TWF1: variants seen among roughly 807,000 people sequenced by gnomAD.
The protein encoded by TWF1 is twinfilin actin binding protein 1.
In TWF1, 14 loss-of-function variants were observed where a neutral mutation model predicts 47.9. The observed-to-expected ratio is 0.29, with a 90% CI of 0.19 to 0.46. The LOEUF (loss-of-function observed/expected upper bound fraction) is 0.46, where lower values mean the gene tolerates loss of function less well. TWF1 is among the 20% of genes least tolerant of loss of function. The pLI is 1.00. For synonymous variants in TWF1, 96 were observed against 139.2 expected (o/e 0.69, Z 2.18); for missense variants, 281 against 409.3 (o/e 0.69, Z 2.70).
At position 43,797,691 on chromosome 12, in the gene TWF1, C is replaced by T; in HGVS notation, c.609+17G>A. ...CCAAAAAGAGCAGCCACTTAATAATCATTATACATCTCTTACCAACTGCAC... is the reference window on the plus strand; with the variant it reads ...CCAAAAAGAGCAGCCACTTAATAATTATTATACATCTCTTACCAACTGCAC... On this transcript the variant is annotated intron_variant, in intron 6 of 8. Transcript: ENST00000395510. 6.2e-7 allele frequency: 1 copy of T among 1,608,724 alleles called. No homozygotes were observed. Among genetic ancestry groups the T allele is most frequent in the Non-Finnish European group, 8.5e-7 (1 of 1,178,408 alleles).
chr12:43,801,767 T>G (rs1426875926), intron 3 of TWF1, among the ~76,000 whole-genome samples: 1 of 152,194 alleles, frequency 6.6e-6, no homozygotes, highest in Non-Finnish European at 1.5e-5. Context: ...CAGTGGCTCA[T>G]ACCTGTAATC....
intron 5 of TWF1, 50 bp from the exon 6 acceptor site, chr12:43,797,883 T>C (rs1369516666): frequency 4.5e-6 from 7 of 1,571,384 alleles, no homozygotes; most frequent in Admixed American, 1.9e-5. Flanking sequence ...CAGTATCCTA[T>C]GGCAAACATA....
chr12:43,797,137 A>G (rs1358648576), intron 7 of TWF1, 40 bp from the exon 8 acceptor site: 6 of 1,538,714 alleles, frequency 3.9e-6, no homozygotes, highest in Non-Finnish European at 5.3e-6. Flanking sequence ...TAGCATATCA[A>G]TACATAAACT....
In TWF1 at chr12:43,806,296, C is replaced by T; in HGVS notation, c.-51G>A. 4 of 1,437,342 alleles carry T rather than the reference C, an allele frequency of 2.8e-6. No homozygotes were observed. Among genetic ancestry groups the T allele is most frequent in the Non-Finnish European group, 3.7e-6 (4 of 1,089,278 alleles). 89.0% of individuals were successfully genotyped at this position (1,437,342 alleles called of 1,614,324 possible). On this transcript the variant is annotated 5_prime_UTR_variant, in exon 1 of 9. Coordinates refer to ENST00000395510, the MANE Select transcript of TWF1 (RefSeq NM_002822.5). Reference sequence around the variant, plus strand: ...CGGCGCTGAGTGCAGCCAGCGGCCCCGGCCGGCGGCCCCAGGAAGTGGCTG... The same window carrying T: ...CGGCGCTGAGTGCAGCCAGCGGCCCTGGCCGGCGGCCCCAGGAAGTGGCTG...
chr12:43,800,377 G>A (rs765855313), intron 4 of TWF1, 58 bp downstream of exon 4: 2 of 1,265,112 alleles, frequency 1.6e-6, no homozygotes, highest in Non-Finnish European at 2.3e-6. Context: ...CATTACCTAG[G>A]AGTTCCTCTT....
intron 3 of TWF1, among the ~76,000 whole-genome samples, chr12:43,801,509 A>T (rs370432505): frequency 6.6e-6 from 1 of 152,178 alleles, no homozygotes; most frequent in East Asian, 1.9e-4. Flanking sequence ...CCATATTCAT[A>T]TATTAATTCT....
rs139392976 is a variant in TWF1 at position 43,799,296 on chromosome 12, C to T, written c.483+102G>A. The stretch of plus-strand genomic sequence containing the variant: ...ACTAAACGGAATAAACCTAAGCTAC[C>T]TAACTTCTTTAATCTCTAGTTATCC... On this transcript the variant is annotated intron_variant, in intron 5 of 8. Coordinates refer to ENST00000395510, the MANE Select transcript of TWF1 (RefSeq NM_002822.5). The T allele has an allele frequency of 3.1e-5, 22 of 717,700 alleles. No homozygotes were observed. The African/African-American group carries it at 3.3e-4, about 11-fold the overall frequency. 44.5% of individuals were successfully genotyped at this position (717,700 alleles called of 1,614,324 possible).
At position 43,797,051 on chromosome 12, in the gene TWF1, C is replaced by T. The variant is rs147143603; in HGVS notation, c.807G>A (p.Arg269=). ...MPGYTCSIRE[R]MLYSSCKSRL... ...GGCTCTTGCAGCTAGAATACAGCAT[C>T]CGCTCTCTTATACTGCATGTGTATC... Residue 269 remains arginine, a synonymous_variant, in exon 8 of 9, where the codon CGG becomes CGA. Coordinates refer to ENST00000395510, the MANE Select transcript of TWF1 (RefSeq NM_002822.5). 24 of 1,611,166 alleles carry T rather than the reference C, an allele frequency of 1.5e-5. No homozygotes were observed. In the African/African-American group the frequency reaches 2.4e-4, roughly 16 times the overall value.
At chr12:43,805,193 G>A (rs1002044064) in intron 1 of TWF1, among the ~76,000 whole-genome samples, 3 of 152,150 alleles carry the variant, frequency 2.0e-5, no homozygotes, top group African/African-American at 7.2e-5. Flanking sequence ...TCGTTCCTGT[G>A]TTGTCTATTA....
intron 4 of TWF1, 145 bp from the exon 5 acceptor site, chr12:43,799,647 C>G (rs1942622825): frequency 2.0e-6 from 1 of 511,926 alleles, no homozygotes; most frequent in South Asian, 3.8e-5. Context: ...TTTTACTTTT[C>G]TTTAATCCTC....
rs1942504557 is a variant in TWF1 at position 43,793,750 on chromosome 12, A to G, written c.*1835T>C. 6.5e-6 allele frequency: 1 copy of G among 152,674 alleles called. No homozygotes were observed. The highest frequency in any genetic ancestry group is 2.1e-4 in the South Asian group (1 of 4,834). 9.5% of individuals were successfully genotyped at this position (152,674 alleles called of 1,614,324 possible). A position where few individuals can be genotyped will look rare whatever the true frequency, so the allele number is the denominator to read the frequency against. On this transcript the variant is annotated 3_prime_UTR_variant, in exon 9 of 9. Coordinates refer to ENST00000395510, the MANE Select transcript of TWF1 (RefSeq NM_002822.5). ...AAAGAGAAAAAATTTTTATTGTGAT[A>G]TAAAATGCACTTATAAAATGTCCAC...
At chr12:43,806,051 G>A in intron 1 of TWF1, 170 bp downstream of exon 1, 3 of 1,518,542 alleles carry the variant, frequency 2.0e-6, no homozygotes, top group Middle Eastern at 3.9e-4. Context: ...ACGCAGGCCG[G>A]CAGCGCCCGG....
rs1313255576 is a variant in TWF1, at chr12:43,806,289, G to C, written c.-44C>G. The C allele has an allele frequency of 2.1e-6, 3 of 1,452,984 alleles. No individual in the cohort carries two copies. The Admixed American group carries it at 7.2e-5, about 35-fold the overall frequency. 90.0% of individuals were successfully genotyped at this position (1,452,984 alleles called of 1,614,324 possible). On this transcript the variant is annotated 5_prime_UTR_variant, in exon 1 of 9. Coordinates refer to ENST00000395510, the MANE Select transcript of TWF1 (RefSeq NM_002822.5). The stretch of plus-strand genomic sequence containing the variant: ...CCGGCTCCGGCGCTGAGTGCAGCCA[G>C]CGGCCCCGGCCGGCGGCCCCAGGAA...
At chr12:43,796,808 G>A (rs1315289598) in intron 8 of TWF1, among the ~76,000 whole-genome samples, 168 bp downstream of exon 8, 1 of 151,948 alleles carries the variant, frequency 6.6e-6, no homozygotes, top group Non-Finnish European at 1.5e-5. Flanking sequence ...ATATAGAGAT[G>A]GGGATCATGA....
intron 2 of TWF1, 192 bp downstream of exon 2, chr12:43,804,303 T>G: frequency 1.7e-6 from 1 of 585,564 alleles, no homozygotes; most frequent in East Asian, 3.4e-5. Flanking sequence ...GTTTCCCTGA[T>G]AGTCACATAA....
At chr12:43,800,625 T>A in intron 3 of TWF1, 95 bp from the exon 4 acceptor site, 1 of 957,272 alleles carries the variant, frequency 1.0e-6, no homozygotes, top group African/African-American at 1.6e-5. Flanking sequence ...TGAATCACAT[T>A]AAAAACAAAA....
chr12:43,802,578 T>A, intron 2 of TWF1, 114 bp from the exon 3 acceptor site: 1 of 797,164 alleles, frequency 1.3e-6, no homozygotes. Flanking sequence ...ATTATTCACA[T>A]CAAAAAGTTG....
At chr12:43,800,877 A>G (rs1942648354) in intron 3 of TWF1, among the ~76,000 whole-genome samples, 1 of 151,978 alleles carries the variant, frequency 6.6e-6, no homozygotes, top group Admixed American at 6.6e-5. Context: ...CAGCCTCCCG[A>G]GTAGCTGGGA....
intron 8 of TWF1, 45 bp from the exon 9 acceptor site, chr12:43,795,800 A>T: frequency 6.3e-7 from 1 of 1,592,918 alleles, no homozygotes; most frequent in Non-Finnish European, 8.6e-7. Flanking sequence ...AACCTAATAC[A>T]AGCAACAAGC....
Sources: allele counts gnomAD v4.1 joint callset (sites outside exome capture counted in the v4.1 genomes callset), GRCh38; gene constraint gnomAD v4.1.1; transcripts MANE v1.5; gene names NCBI Gene and HGNC (gene_info 2026-07-23, HGNC 2026-07-21).